Variants in BLOC1S3 observed in about 807,000 individuals in gnomAD.
The protein encoded by BLOC1S3 is biogenesis of lysosome-related organelles complex 1 subunit 3.
In BLOC1S3, 7 loss-of-function variants were observed where a neutral mutation model predicts 9.1. That is an observed-to-expected ratio of 0.77 (90% CI 0.44 to 1.45). The LOEUF is 1.45. Among genes scored for constraint, BLOC1S3 ranks in the 40% most tolerant of loss-of-function variants. The pLI is 0.01. For missense variants in BLOC1S3, 307 were observed against 315.2 expected (o/e 0.97, Z 0.20); for synonymous variants, 145 against 158.4 (o/e 0.92, Z 0.64).
Position 45,179,259 on chromosome 19 carries a change from C to G in BLOC1S3, c.-9-29C>G, listed in dbSNP as rs755156912. On this transcript the variant is annotated intron_variant, in intron 1 of 1. Coordinates refer to ENST00000433642, the MANE Select transcript of BLOC1S3 (RefSeq NM_212550.5). The surrounding 1 kb of genome is among the most constrained non-coding windows in gnomAD (Gnocchi z 4.6). The stretch of plus-strand genomic sequence containing the variant: ...TTTACCCACCGCGGCGCCGGTCTCA[C>G]GTGCAGTCCCTTCGCTCTTCTCCCC... 7.3e-6 allele frequency: 11 copies of G among 1,507,768 alleles called. No individual in the cohort carries two copies. Among genetic ancestry groups the G allele is most frequent in the Non-Finnish European group, 9.7e-6 (11 of 1,134,262 alleles). The allele number at this position is 1,507,768 out of a possible 1,614,324, so 93.4% of individuals were successfully genotyped here. A position where few individuals can be genotyped will look rare whatever the true frequency, so the allele number is the denominator to read the frequency against.
chr19:45,216,231 AAGAT>A, intron 3 of BLOC1S3: 7 of 1,607,926 alleles, frequency 4.4e-6, no homozygotes, highest in Non-Finnish European at 5.9e-6. Flanking sequence ...ACACCCTCCC[AAGAT>A]TGACCCTGCC....
At chr19:45,215,700 T>C (rs553446780) in intron 3 of BLOC1S3, among the ~76,000 whole-genome samples, 9 of 150,648 alleles carry the variant, frequency 6.0e-5, no homozygotes, top group East Asian at 2.0e-4. Flanking sequence ...CTGGCAGGAG[T>C]TGAATGCCGC....
chr19:45,209,892 C>T (rs933676344), intron 3 of BLOC1S3, among the ~76,000 whole-genome samples: 7 of 150,560 alleles, frequency 4.6e-5, no homozygotes, highest in East Asian at 2.0e-4. Flanking sequence ...CCACCACGCC[C>T]GGCTAATTTT....
intron 3 of BLOC1S3, among the ~76,000 whole-genome samples, chr19:45,210,245 AT>A (rs1271555436): frequency 7.0e-6 from 1 of 143,184 alleles, no homozygotes; most frequent in African/African-American, 2.6e-5. Flanking sequence ...TTTATTTAAA[AT>A]TTTTTTATTG....
At chr19:45,194,624 C>T (rs1262560696) in intron 2 of BLOC1S3, among the ~76,000 whole-genome samples, 2 of 152,126 alleles carry the variant, frequency 1.3e-5, no homozygotes, top group African/African-American at 4.8e-5. Flanking sequence ...ATACAACAGA[C>T]ATTATAGCAA....
chr19:45,183,445 C>T (rs1196567512), downstream of BLOC1S3, among the ~76,000 whole-genome samples: 1 of 150,012 alleles, frequency 6.7e-6, no homozygotes. Flanking sequence ...CACTGCACTC[C>T]AGCCCAGGGG....
chr19:45,197,547 C>A (rs1234351291), intron 2 of BLOC1S3, among the ~76,000 whole-genome samples: 1 of 150,894 alleles, frequency 6.6e-6, no homozygotes, highest in Non-Finnish European at 1.5e-5. Context: ...GATTTAGAGG[C>A]TGGGTGTGGT....
Position 45,179,032 on chromosome 19 carries a change from T to C in BLOC1S3, c.-10+201T>C, listed in dbSNP as rs1969462541. Among the ~76,000 whole-genome samples the C allele has an allele frequency of 6.6e-6, 1 of 152,206 alleles. No individual in the cohort carries two copies. Among genetic ancestry groups the C allele is most frequent in the South Asian group, 2.1e-4 (1 of 4,830 alleles). ...AGGCAAATTCGTAAAGACCTCGGCTTGGGACTCCGGGAACTCGGGCCCCAG... is the reference window on the plus strand; with the variant it reads ...AGGCAAATTCGTAAAGACCTCGGCTCGGGACTCCGGGAACTCGGGCCCCAG... On this transcript the variant is annotated intron_variant, in intron 1 of 1. Transcript: ENST00000433642. The surrounding 1 kb of genome is among the most constrained non-coding windows in gnomAD (Gnocchi z 4.6).
intron 2 of BLOC1S3, among the ~76,000 whole-genome samples, chr19:45,188,794 A>G (rs527566172): frequency 1.3e-5 from 2 of 151,472 alleles, no homozygotes; most frequent in African/African-American, 2.4e-5. Context: ...CTGGTCTCGA[A>G]CTCCTGACCT....
intron 2 of BLOC1S3, among the ~76,000 whole-genome samples, chr19:45,190,821 T>TATTTTATTTTA (rs1599751332): frequency 8.1e-5 from 12 of 147,264 alleles, no homozygotes; most frequent in African/African-American, 1.5e-4. Context: ...TATTTTATTT[T>TATTTTATTTTA]TTGAGAGAGA....
At chr19:45,199,014 G>GT (rs1363558769) in intron 2 of BLOC1S3, 1 of 151,978 alleles carries the variant, frequency 6.6e-6, no homozygotes, top group Non-Finnish European at 1.5e-5. Context: ...GGCCTCCATT[G>GT]TAAGTTATTT....
intron 3 of BLOC1S3, among the ~76,000 whole-genome samples, chr19:45,208,475 C>A (rs73034875): frequency 6.6e-6 from 1 of 151,436 alleles, no homozygotes; most frequent in Non-Finnish European, 1.5e-5. Context: ...GGCGTGGTGT[C>A]GGGCGTGGTG....
intron 2 of BLOC1S3, among the ~76,000 whole-genome samples, chr19:45,189,953 T>C (rs1969592895): frequency 6.6e-6 from 1 of 152,126 alleles, no homozygotes; most frequent in Non-Finnish European, 1.5e-5. Context: ...TATTCTTTTA[T>C]CTTTTGTCTC....
chr19:45,179,778 G>T lies in BLOC1S3; in HGVS notation c.482G>T (p.Arg161Leu), dbSNP rs1340330714. The change falls in exon 2 of 2, where the codon CGC (arginine) becomes CTC (leucine). Residue 161 changes from arginine to leucine, a missense_variant. By Grantham distance (102) the Arg-to-Leu change is moderately radical. Coordinates refer to ENST00000433642, the MANE Select transcript of BLOC1S3 (RefSeq NM_212550.5). The surrounding 1 kb of genome is among the most constrained non-coding windows in gnomAD (Gnocchi z 4.6). ...AAGLAAAHSV[R>L]LARGDLCALA... ...GGGCTGGCGGCGGCCCACAGCGTGCGCCTGGCGCGCGGGGACCTTTGTGCG... is the reference window on the plus strand; with the variant it reads ...GGGCTGGCGGCGGCCCACAGCGTGCTCCTGGCGCGCGGGGACCTTTGTGCG... 1.9e-6 allele frequency: 3 copies of T among 1,555,006 alleles called. No individual in the cohort carries two copies. Among genetic ancestry groups the T allele is most frequent in the Non-Finnish European group, 2.6e-6 (3 of 1,157,180 alleles).
intron 3 of BLOC1S3, among the ~76,000 whole-genome samples, chr19:45,204,341 C>T (rs191207300): frequency 1.1e-4 from 17 of 152,092 alleles, no homozygotes; most frequent in Admixed American, 1.1e-3. Flanking sequence ...AGGCACCCAC[C>T]ACCATGCCCC....
At chr19:45,204,521 T>C (rs941529540) in intron 3 of BLOC1S3, among the ~76,000 whole-genome samples, 2 of 151,976 alleles carry the variant, frequency 1.3e-5, no homozygotes, top group Non-Finnish European at 2.9e-5. Flanking sequence ...GTGGAGTTTC[T>C]CAACTAGTTG....
intron 3 of BLOC1S3, among the ~76,000 whole-genome samples, chr19:45,212,219 C>G (rs1369283707): frequency 6.6e-6 from 1 of 152,170 alleles, no homozygotes; most frequent in Admixed American, 6.6e-5. Context: ...GGGTTGGCGT[C>G]GCTCCCAGCA....
In BLOC1S3 at chr19:45,193,132, C is replaced by CA. The variant is rs71173123; in HGVS notation, n.180+5420dup. ...GGGCAACAAGAGCAAAACTCCGTCTCAAAAAAAAAAAAAAAAAAAAAAAAA... is the reference window on the plus strand; with the variant it reads ...GGGCAACAAGAGCAAAACTCCGTCTCAAAAAAAAAAAAAAAAAAAAAAAAAA... On this transcript the variant is annotated intron_variant and non_coding_transcript_variant, in intron 2 of 3. Transcript: ENST00000591569. 6.1e-3 allele frequency among the ~76,000 whole-genome samples: 474 copies of CA among 77,866 alleles called. 33 individuals are homozygous for CA. Among genetic ancestry groups the CA allele is most frequent in the East Asian group, 0.013 (21 of 1,608 alleles). 51.1% of individuals were successfully genotyped at this position (77,866 alleles called of 152,430 possible).
intron 2 of BLOC1S3, among the ~76,000 whole-genome samples, chr19:45,201,413 G>C (rs566494868): frequency 5.9e-5 from 9 of 152,256 alleles, no homozygotes; most frequent in African/African-American, 1.9e-4. Flanking sequence ...GACTGCACTG[G>C]GTCAGACCCA....
Sources: allele counts gnomAD v4.1 joint callset (sites outside exome capture counted in the v4.1 genomes callset), GRCh38; gene constraint gnomAD v4.1.1; non-coding constraint Gnocchi (gnomAD v3.1); transcripts MANE v1.5; gene names NCBI Gene and HGNC (gene_info 2026-07-23, HGNC 2026-07-21).